The following XPO7 variants were observed in gnomAD, a reference collection of about 807,000 sequenced individuals.
XPO7 encodes the protein exportin-7.
A neutral mutation model predicts 144.3 loss-of-function variants in XPO7; 21 were observed. That is an observed-to-expected ratio of 0.15 (90% CI 0.10 to 0.21). XPO7 has a LOEUF of 0.21. Among genes scored for constraint, XPO7 ranks in the 10% least tolerant of loss-of-function variants. The pLI is 1.00. For synonymous variants in XPO7, 580 were observed against 499.6 expected, an observed-to-expected ratio of 1.16 and a Z score of -2.15; for missense variants, 808 against 1,325.8, an observed-to-expected ratio of 0.61 and a Z score of 6.06.
At chr8:21,930,312 G>C (rs1403220869) in intron 1 of XPO7, among the ~76,000 whole-genome samples, 2 of 152,192 alleles carry the variant, frequency 1.3e-5, no homozygotes, top group Non-Finnish European at 2.9e-5. Flanking sequence ...CTGTGTGCCA[G>C]ATTGTTAGGC....
At chr8:21,982,886 T>G in intron 11 of XPO7, 74 bp downstream of exon 11, 1 of 1,499,812 alleles carries the variant, frequency 6.7e-7, no homozygotes, top group South Asian at 1.4e-5. Flanking sequence ...AGACACCCCA[T>G]TGGCAAAGAG....
At chr8:21,994,484 C>T in intron 20 of XPO7, 33 bp downstream of exon 20, 1 of 1,573,590 alleles carries the variant, frequency 6.4e-7, no homozygotes. Context: ...CACACTACAG[C>T]CTGCCTTAAC....
rs1348699224 is a variant in XPO7 at position 22,005,828 on chromosome 8, G to A, written c.*740G>A. On this transcript the variant is annotated 3_prime_UTR_variant, in exon 28 of 28. Coordinates refer to ENST00000252512, the MANE Select transcript of XPO7 (RefSeq NM_015024.5). ...CCCCTTGCAGTGATAAATAACTCCAGCTAAAAGTGTTTGGTGTTCTTATCT... is the reference window on the plus strand; with the variant it reads ...CCCCTTGCAGTGATAAATAACTCCAACTAAAAGTGTTTGGTGTTCTTATCT... 8 of 152,170 alleles carry A rather than the reference G, an allele frequency of 5.3e-5. No individual in the cohort carries two copies. The highest frequency in any genetic ancestry group is 5.2e-4 in the Admixed American group (8 of 15,276). The allele number at this position is 152,170 out of a possible 1,614,324, so 9.4% of individuals were successfully genotyped here.
intron 1 of XPO7, among the ~76,000 whole-genome samples, chr8:21,948,857 T>TTATTTCAA (rs1486309361): frequency 8.5e-5 from 13 of 152,212 alleles, no homozygotes; most frequent in African/African-American, 2.4e-4. Flanking sequence ...ACTAGATAGA[T>TTATTTCAA]GTGGGATTAT....
At chr8:21,951,508 A>G (rs1445923097) in intron 1 of XPO7, among the ~76,000 whole-genome samples, 1 of 152,162 alleles carries the variant, frequency 6.6e-6, no homozygotes, top group Non-Finnish European at 1.5e-5. Context: ...TTTCCCATGT[A>G]ATGGAATAGA....
At chr8:21,925,966 G>C (rs1234899536) in intron 1 of XPO7, among the ~76,000 whole-genome samples, 2 of 151,946 alleles carry the variant, frequency 1.3e-5, no homozygotes, top group Admixed American at 6.6e-5. Flanking sequence ...CACAAATTGA[G>C]CTCTCTTATG....
chr8:21,956,485 A>G (rs1811538788), intron 1 of XPO7, among the ~76,000 whole-genome samples: 1 of 152,140 alleles, frequency 6.6e-6, no homozygotes, highest in Non-Finnish European at 1.5e-5. Flanking sequence ...GTTATCTCAA[A>G]TTATTTTATT....
At chr8:21,984,500 A>G in intron 11 of XPO7, 146 bp from the exon 12 acceptor site, 2 of 751,176 alleles carry the variant, frequency 2.7e-6, no homozygotes, top group Non-Finnish European at 4.2e-6. Flanking sequence ...CTCATTAAAC[A>G]TTCTTCCTTG....
intron 20 of XPO7, among the ~76,000 whole-genome samples, chr8:21,994,987 G>C (rs1208200126): frequency 6.6e-6 from 1 of 152,020 alleles, no homozygotes; most frequent in East Asian, 1.9e-4. Flanking sequence ...CCAGGAGGCG[G>C]AGCTTGCAGT....
intron 1 of XPO7, chr8:21,964,030 G>C (rs907422662): frequency 2.0e-5 from 3 of 152,152 alleles, no homozygotes; most frequent in African/African-American, 7.2e-5. Context: ...AATCGGTCTG[G>C]TTCTAGGTTT....
chr8:21,985,171 T>C (rs1812539855), intron 12 of XPO7, among the ~76,000 whole-genome samples: 1 of 152,176 alleles, frequency 6.6e-6, no homozygotes, highest in South Asian at 2.1e-4. Flanking sequence ...ACCTGGCTCC[T>C]GTCTGCTTTT....
chr8:21,944,179 C>T (rs867898871), intron 1 of XPO7, among the ~76,000 whole-genome samples: 1 of 152,154 alleles, frequency 6.6e-6, no homozygotes, highest in African/African-American at 2.4e-5. Context: ...GGACTCTGAC[C>T]ATGAGCTTTT....
chr8:21,931,290 G>C (rs1312030893), intron 1 of XPO7, among the ~76,000 whole-genome samples: 1 of 151,866 alleles, frequency 6.6e-6, no homozygotes, highest in Non-Finnish European at 1.5e-5. Context: ...AGCCTCCCAA[G>C]TAGCTGGGAC....
intron 1 of XPO7, among the ~76,000 whole-genome samples, chr8:21,929,529 T>C (rs1018711534): frequency 6.6e-6 from 1 of 152,200 alleles, no homozygotes; most frequent in African/African-American, 2.4e-5. Flanking sequence ...AAAATTCCCA[T>C]ATAGTTGTAA....
intron 1 of XPO7, among the ~76,000 whole-genome samples, chr8:21,946,704 G>A (rs1811206616): frequency 6.9e-6 from 1 of 143,908 alleles, no homozygotes. Flanking sequence ...TTGCAATGGT[G>A]TGATCTCGGC....
chr8:21,971,834 C>T, intron 4 of XPO7, 42 bp from the exon 5 acceptor site: 1 of 1,557,244 alleles, frequency 6.4e-7, no homozygotes, highest in Non-Finnish European at 8.8e-7. Context: ...CAAAACCAAG[C>T]ACACATGACA....
intron 16 of XPO7, among the ~76,000 whole-genome samples, chr8:21,989,798 T>C (rs1025638128): frequency 4.2e-5 from 6 of 141,846 alleles, no homozygotes; most frequent in Non-Finnish European, 6.2e-5. Context: ...TTCTTACAAA[T>C]AGGAGTTTGG....
At chr8:21,930,445 T>C (rs1810607856) in intron 1 of XPO7, among the ~76,000 whole-genome samples, 1 of 152,140 alleles carries the variant, frequency 6.6e-6, no homozygotes, top group South Asian at 2.1e-4. Flanking sequence ...GCATAGAACA[T>C]AAGACGTAAG....
At chr8:21,977,158 T>C (rs889783443) in intron 7 of XPO7, among the ~76,000 whole-genome samples, 2 of 152,378 alleles carry the variant, frequency 1.3e-5, no homozygotes, top group South Asian at 2.1e-4. Flanking sequence ...CTTGTTCTTA[T>C]GTTTGCCTTT....
Sources: allele counts gnomAD v4.1 joint callset (sites outside exome capture counted in the v4.1 genomes callset), GRCh38; gene constraint gnomAD v4.1.1; transcripts MANE v1.5; gene names NCBI Gene and HGNC (gene_info 2026-07-23, HGNC 2026-07-21).